Variants in LCORL observed in about 807,000 individuals in gnomAD.
LCORL encodes ligand-dependent nuclear receptor corepressor-like protein.
A neutral mutation model predicts 141.8 loss-of-function variants in LCORL; 41 were observed. That is an observed-to-expected ratio of 0.29 (90% CI 0.23 to 0.38). The LOEUF is 0.38. Among genes scored for constraint, LCORL ranks in the 10% least tolerant of loss-of-function variants. LCORL has a pLI of 1.00. For synonymous variants in LCORL, 618 were observed against 694.1 expected (o/e 0.89, Z 1.72); for missense variants, 1,759 against 2,035.0 (o/e 0.86, Z 2.61).
intron 5 of LCORL, among the ~76,000 whole-genome samples, chr4:17,890,350 C>T (rs953819134): frequency 1.3e-5 from 2 of 151,978 alleles, no homozygotes; most frequent in African/African-American, 2.4e-5. Context: ...TTAAAGCACA[C>T]AAAACTATTT....
intron 4 of LCORL, chr4:17,912,518 A>T (rs1218289508): frequency 4.1e-6 from 2 of 489,100 alleles, no homozygotes; most frequent in Non-Finnish European, 8.0e-6. Context: ...GTCTCAGCAG[A>T]TTGAGGAGAG....
intron 2 of LCORL, among the ~76,000 whole-genome samples, chr4:17,965,395 T>C (rs1714666013): frequency 6.6e-6 from 1 of 152,160 alleles, no homozygotes; most frequent in South Asian, 2.1e-4. Flanking sequence ...AATGCTGAAA[T>C]AAAACATTCA....
chr4:17,855,454 A>G (rs1263130716), intron 7 of LCORL, among the ~76,000 whole-genome samples: 1 of 152,240 alleles, frequency 6.6e-6, no homozygotes, highest in Non-Finnish European at 1.5e-5. Context: ...GTTTGCATCT[A>G]TCTGCCTTCT....
At chr4:18,018,207 T>C (rs557038647) in intron 1 of LCORL, among the ~76,000 whole-genome samples, 6 of 152,266 alleles carry the variant, frequency 3.9e-5, no homozygotes, top group African/African-American at 1.4e-4. Context: ...GTATGACTTA[T>C]CAAATGCTAA....
At chr4:18,002,989 A>G (rs1722219041) in intron 1 of LCORL, among the ~76,000 whole-genome samples, 1 of 152,190 alleles carries the variant, frequency 6.6e-6, no homozygotes, top group Non-Finnish European at 1.5e-5. Flanking sequence ...CCCAATTAGC[A>G]ACAGAAAAAG....
chr4:17,843,217 G>C, exon 8 of LCORL: 1 of 1,426,858 alleles, frequency 7.0e-7, no homozygotes, highest in Non-Finnish European at 9.6e-7. Context: ...GATAGAATGT[G>C]AGTCAGAAAC....
chr4:17,943,715 C>A (rs1738353011), intron 4 of LCORL, among the ~76,000 whole-genome samples: 1 of 151,968 alleles, frequency 6.6e-6, no homozygotes, highest in Non-Finnish European at 1.5e-5. Context: ...TCTCAATAGC[C>A]CATGTAGAAT....
chr4:17,878,981 G>A (rs769072609), intron 6 of LCORL, among the ~76,000 whole-genome samples: 1 of 150,532 alleles, frequency 6.6e-6, no homozygotes, highest in South Asian at 2.1e-4. Context: ...ACCAGCAGCA[G>A]GAAGAATAAA....
At chr4:17,992,011 T>C (rs553737339) in intron 1 of LCORL, among the ~76,000 whole-genome samples, 7 of 152,270 alleles carry the variant, frequency 4.6e-5, no homozygotes, top group Non-Finnish European at 1.0e-4. Flanking sequence ...TGATGACAAG[T>C]AATCATACTA....
At chr4:17,935,726 A>G (rs1194810746) in intron 4 of LCORL, among the ~76,000 whole-genome samples, 1 of 152,208 alleles carries the variant, frequency 6.6e-6, no homozygotes, top group Non-Finnish European at 1.5e-5. Flanking sequence ...CTTCTTGTGA[A>G]GCCTGCAGAA....
chr4:17,951,436 C>T (rs1739708474), intron 4 of LCORL, among the ~76,000 whole-genome samples: 1 of 152,156 alleles, frequency 6.6e-6, no homozygotes, highest in Non-Finnish European at 1.5e-5. Context: ...TACCACATGC[C>T]AAATCCATAA....
At chr4:17,896,361 G>A (rs1729926566) in intron 5 of LCORL, among the ~76,000 whole-genome samples, 1 of 151,980 alleles carries the variant, frequency 6.6e-6, no homozygotes, top group African/African-American at 2.4e-5. Context: ...TCAGCTCACT[G>A]CAACCTCCGC....
intron 7 of LCORL, among the ~76,000 whole-genome samples, chr4:17,846,284 A>C (rs1260040999): frequency 6.6e-6 from 1 of 152,188 alleles, no homozygotes; most frequent in Admixed American, 6.5e-5. Flanking sequence ...TTGAATGCCT[A>C]TTACGTTCTA....
intron 4 of LCORL, among the ~76,000 whole-genome samples, chr4:17,915,820 AAG>A (rs1414976088): frequency 6.6e-6 from 1 of 152,188 alleles, no homozygotes; most frequent in Non-Finnish European, 1.5e-5. Context: ...TGCAAAAAGA[AAG>A]AGATAAAATC....
chr4:17,844,449 T>C (rs748601810), exon 8 of LCORL: 1 of 152,434 alleles, frequency 6.6e-6, no homozygotes, highest in Non-Finnish European at 1.5e-5. Flanking sequence ...AAGATGGAGC[T>C]AAAGTAAGAT....
At chr4:17,872,547 A>G (rs986705843) in intron 7 of LCORL, among the ~76,000 whole-genome samples, 1 of 152,148 alleles carries the variant, frequency 6.6e-6, no homozygotes, top group African/African-American at 2.4e-5. Flanking sequence ...TGTGGGTTGG[A>G]CAAGCTTGTA....
chr4:17,933,302 C>T (rs1258409734), intron 4 of LCORL, among the ~76,000 whole-genome samples: 1 of 152,078 alleles, frequency 6.6e-6, no homozygotes, highest in Non-Finnish European at 1.5e-5. Context: ...CTTTGGGTCT[C>T]CAATTACACC....
intron 4 of LCORL, among the ~76,000 whole-genome samples, chr4:17,944,493 A>G (rs1354506325): frequency 6.6e-6 from 1 of 152,092 alleles, no homozygotes; most frequent in Non-Finnish European, 1.5e-5. Flanking sequence ...ATTGTTGTTT[A>G]CTTTGTTGCT....
At chr4:17,883,604 A>C in intron 6 of LCORL, 2 of 1,373,984 alleles carry the variant, frequency 1.5e-6, no homozygotes, top group South Asian at 2.1e-5. Context: ...TGTCAGAGTG[A>C]GCATTTGTAA....
Sources: gnomAD v4.1 joint callset for allele counts (sites outside exome capture counted in the v4.1 genomes callset) on GRCh38, gnomAD v4.1.1 for gene constraint, MANE v1.5 for transcripts, NCBI Gene and HGNC (gene_info 2026-07-23, HGNC 2026-07-21) for gene names.